PRKCB: variants seen among roughly 807,000 people sequenced by gnomAD.
The protein encoded by PRKCB is protein kinase C beta.
PRKCB carries 13 observed loss-of-function variants against 81.5 expected under a neutral mutation model. That is an observed-to-expected ratio of 0.16 (90% CI 0.10 to 0.25). The LOEUF (loss-of-function observed/expected upper bound fraction) is 0.25, where lower values mean the gene tolerates loss of function less well. Ranked by LOEUF, PRKCB falls within the 10% of genes least tolerant of loss-of-function variation. The pLI is 1.00. For missense variants in PRKCB, 509 were observed against 875.7 expected, an observed-to-expected ratio of 0.58 and a Z score of 5.29; for synonymous variants, 335 against 321.4, an observed-to-expected ratio of 1.04 and a Z score of -0.45.
At chr16:23,909,102 C>T (rs928856064) in intron 2 of PRKCB, among the ~76,000 whole-genome samples, 2 of 152,208 alleles carry the variant, frequency 1.3e-5, no homozygotes, top group African/African-American at 4.8e-5. Flanking sequence ...TACTGCAAAC[C>T]TGATATCACT....
chr16:24,056,434 C>T (rs941076113), intron 5 of PRKCB, among the ~76,000 whole-genome samples: 2 of 152,238 alleles, frequency 1.3e-5, no homozygotes, highest in African/African-American at 4.8e-5. Flanking sequence ...ACTGGGTCTC[C>T]AGGCATGGGG....
intron 9 of PRKCB, among the ~76,000 whole-genome samples, chr16:24,129,867 A>G (rs895308816): frequency 1.3e-5 from 2 of 152,238 alleles, no homozygotes; most frequent in Non-Finnish European, 2.9e-5. Flanking sequence ...TGCTTTCATT[A>G]AACTTTTTCT....
intron 5 of PRKCB, among the ~76,000 whole-genome samples, chr16:24,038,005 ACAT>A (rs958261565): frequency 2.0e-5 from 3 of 152,096 alleles, no homozygotes; most frequent in African/African-American, 7.2e-5. Context: ...ACATGTCGAA[ACAT>A]CATCTCTACT....
chr16:24,008,560 G>A (rs1203242938), intron 3 of PRKCB, among the ~76,000 whole-genome samples: 1 of 152,144 alleles, frequency 6.6e-6, no homozygotes, highest in African/African-American at 2.4e-5. Context: ...TTCTTTGTAA[G>A]CAGAGCCCCA....
chr16:24,059,568 A>G (rs1045974775), intron 5 of PRKCB, among the ~76,000 whole-genome samples: 1 of 152,008 alleles, frequency 6.6e-6, no homozygotes, highest in Admixed American at 6.6e-5. Flanking sequence ...TGGGGAGGCT[A>G]AGGTGGAAGG....
rs141888304 is a variant in PRKCB, at chr16:24,124,517, A to T, written c.1065+536A>T. 3.9e-5 allele frequency among the ~76,000 whole-genome samples: 6 copies of T among 152,334 alleles called. No individual in the cohort carries two copies. The East Asian group carries it at 9.6e-4, about 24-fold the overall frequency. ...CGATCGGATTTGCCTTTTGGAAAAG[A>T]TCACTCTGACAGCCAAGAATGGAAA... On this transcript the variant is annotated intron_variant, in intron 9 of 16. Coordinates refer to ENST00000643927, the MANE Select transcript of PRKCB (RefSeq NM_002738.7).
chr16:24,095,748 G>T (rs192510218), intron 7 of PRKCB, among the ~76,000 whole-genome samples: 93 of 152,174 alleles, frequency 6.1e-4, no homozygotes, highest in Non-Finnish European at 1.0e-3. Context: ...TGGCGGTCTG[G>T]TCGGGGTGGA....
At chr16:24,059,992 A>G (rs1965952196) in intron 5 of PRKCB, among the ~76,000 whole-genome samples, 1 of 152,040 alleles carries the variant, frequency 6.6e-6, no homozygotes, top group Admixed American at 6.6e-5. Context: ...AGTGTAGACA[A>G]CTCATGAGAA....
chr16:23,887,455 T>G (rs958829251), intron 2 of PRKCB, among the ~76,000 whole-genome samples: 1 of 152,248 alleles, frequency 6.6e-6, no homozygotes, highest in Non-Finnish European at 1.5e-5. Flanking sequence ...TATTTGGTTT[T>G]CTGTTTTTCT....
intron 8 of PRKCB, among the ~76,000 whole-genome samples, chr16:24,114,358 C>G (rs192393932): frequency 6.6e-6 from 1 of 151,420 alleles, no homozygotes; most frequent in African/African-American, 2.4e-5. Context: ...TGGATTGGCT[C>G]TATTGACAGA....
intron 2 of PRKCB, among the ~76,000 whole-genome samples, chr16:23,864,198 C>T (rs62030653): frequency 6.8e-4 from 104 of 152,150 alleles, no homozygotes; most frequent in Non-Finnish European, 1.3e-3. Context: ...TACTTCTTTC[C>T]TAAACACCAT....
intron 5 of PRKCB, among the ~76,000 whole-genome samples, chr16:24,062,738 C>G (rs1965988718): frequency 6.6e-6 from 1 of 152,140 alleles, no homozygotes; most frequent in Non-Finnish European, 1.5e-5. Context: ...GCCAGGAGGA[C>G]AGCTCCCTGT....
At position 24,219,758 on chromosome 16, in the gene PRKCB, A is replaced by T; in HGVS notation, c.*4942A>T. On this transcript the variant is annotated 3_prime_UTR_variant, in exon 17 of 17. Transcript: ENST00000643927. The stretch of plus-strand genomic sequence containing the variant: ...AATGACTTACTTCTTTTCTTAGAAA[A>T]TTTCCACCACATTTCTATCCCCAAG... 1 of 1,394,414 alleles carries T rather than the reference A, an allele frequency of 7.2e-7. No individual in the cohort carries two copies. The highest frequency in any genetic ancestry group is 9.3e-7 in the Non-Finnish European group (1 of 1,077,386). 86.4% of individuals were successfully genotyped at this position (1,394,414 alleles called of 1,614,324 possible).
chr16:23,951,579 C>CT lies in PRKCB; in HGVS notation c.206-36910dup, dbSNP rs11354474. Among the ~76,000 whole-genome samples, 668 of 97,556 alleles carry CT rather than the reference C, an allele frequency of 6.8e-3. 16 individuals carry two copies. The highest frequency in any genetic ancestry group is 0.025 in the South Asian group (74 of 2,902). The allele number at this position is 97,556 out of a possible 152,430, so 64.0% of individuals were successfully genotyped here. On this transcript the variant is annotated intron_variant, in intron 2 of 16. Transcript: ENST00000643927. ...TACAGGCACACACCACTATGCCAGG[C>CT]TTTTTTTTTTTTTTTTTTTGTAGAG...
intron 2 of PRKCB, among the ~76,000 whole-genome samples, chr16:23,958,746 C>G (rs1295291080): frequency 6.6e-6 from 1 of 150,554 alleles, no homozygotes; most frequent in African/African-American, 2.5e-5. Context: ...CCCCCACTCC[C>G]TTCCACCCCC....
chr16:23,915,707 A>AAAG (rs964326110), intron 2 of PRKCB, among the ~76,000 whole-genome samples: 1 of 150,744 alleles, frequency 6.6e-6, no homozygotes, highest in African/African-American at 2.4e-5. Context: ...AAAAAAAAAA[A>AAAG]AAAAAGCAGA....
intron 5 of PRKCB, among the ~76,000 whole-genome samples, chr16:24,062,841 A>G (rs1448289129): frequency 6.6e-6 from 1 of 151,612 alleles, no homozygotes; most frequent in Admixed American, 6.6e-5. Context: ...CTTTGCTTGC[A>G]TCCCTCACCT....
chr16:24,075,928 T>A (rs1262403752), intron 5 of PRKCB, among the ~76,000 whole-genome samples: 1 of 152,174 alleles, frequency 6.6e-6, no homozygotes, highest in Non-Finnish European at 1.5e-5. Context: ...GGGCCTGAGA[T>A]CATGCATTTC....
intron 2 of PRKCB, among the ~76,000 whole-genome samples, chr16:23,902,914 C>T (rs1234841128): frequency 6.6e-6 from 1 of 151,716 alleles, no homozygotes; most frequent in Non-Finnish European, 1.5e-5. Context: ...AGCCATCCTC[C>T]CACCTCAACT....
Sources: allele counts gnomAD v4.1 joint callset (sites outside exome capture counted in the v4.1 genomes callset), GRCh38; gene constraint gnomAD v4.1.1; transcripts MANE v1.5; gene names NCBI Gene and HGNC (gene_info 2026-07-23, HGNC 2026-07-21).